MACROD2: variants seen among roughly 807,000 people sequenced by gnomAD.
MACROD2 encodes ADP-ribose glycohydrolase MACROD2.
MACROD2 carries 36 observed loss-of-function variants against 70.4 expected under a neutral mutation model. The observed-to-expected ratio is 0.51, with a 90% confidence interval of 0.39 to 0.68. The LOEUF (loss-of-function observed/expected upper bound fraction) is 0.68, where lower values mean the gene tolerates loss of function less well. Ranked by LOEUF, MACROD2 falls within the 30% of genes least tolerant of loss-of-function variation. The probability of loss-of-function intolerance (pLI) is 0.00; values close to 1 mark genes in which losing one functional copy is unlikely to be tolerated. For synonymous variants in MACROD2, 172 were observed against 178.8 expected, an observed-to-expected ratio of 0.96 and a Z score of 0.30; for missense variants, 496 against 538.4, an observed-to-expected ratio of 0.92 and a Z score of 0.78.
chr20:15,737,249 AAGCT>A (rs1447708794), intron 8 of MACROD2, among the ~76,000 whole-genome samples: 1 of 152,220 alleles, frequency 6.6e-6, no homozygotes, highest in Non-Finnish European at 1.5e-5. Context: ...TCCAAGTGGA[AAGCT>A]CTAAACACTA....
At chr20:14,650,779 T>C (rs144061908) in intron 4 of MACROD2, among the ~76,000 whole-genome samples, 6 of 152,326 alleles carry the variant, frequency 3.9e-5, no homozygotes, top group Admixed American at 3.9e-4. Context: ...CCCTTCGCAC[T>C]ACACACCAAA....
At chr20:15,272,981 A>G (rs2077358809) in intron 6 of MACROD2, among the ~76,000 whole-genome samples, 1 of 152,134 alleles carries the variant, frequency 6.6e-6, no homozygotes, top group Non-Finnish European at 1.5e-5. Flanking sequence ...TGACCATGAC[A>G]TCTCTTAAAG....
intron 7 of MACROD2, among the ~76,000 whole-genome samples, chr20:15,491,112 G>A (rs1268023978): frequency 3.9e-5 from 6 of 152,094 alleles, no homozygotes; most frequent in East Asian, 1.9e-4. Context: ...TAACAGCAGC[G>A]GCACTAGCAG....
intron 4 of MACROD2, among the ~76,000 whole-genome samples, chr20:14,559,751 C>A (rs1266343980): frequency 6.6e-6 from 1 of 151,688 alleles, no homozygotes; most frequent in Non-Finnish European, 1.5e-5. Context: ...ATAGACTCTC[C>A]ATTCTATAAG....
intron 5 of MACROD2, among the ~76,000 whole-genome samples, chr20:15,002,202 A>G (rs917826464): frequency 6.6e-6 from 1 of 152,202 alleles, no homozygotes; most frequent in African/African-American, 2.4e-5. Context: ...TGTTTGCCGT[A>G]GTGGTTGTAA....
chr20:14,647,670 T>C (rs997256093), intron 4 of MACROD2, among the ~76,000 whole-genome samples: 4 of 152,066 alleles, frequency 2.6e-5, no homozygotes, highest in Non-Finnish European at 4.4e-5. Flanking sequence ...CCCCAGCTAC[T>C]AGAATCTCTC....
chr20:14,291,379 G>A (rs544649830), intron 3 of MACROD2, among the ~76,000 whole-genome samples: 15 of 149,284 alleles, frequency 1.0e-4, no homozygotes, highest in African/African-American at 3.3e-4. Context: ...ACATAAATGT[G>A]TGTAAAATTT....
At chr20:15,476,001 A>C (rs772202072) in intron 7 of MACROD2, among the ~76,000 whole-genome samples, 1 of 152,240 alleles carries the variant, frequency 6.6e-6, no homozygotes, top group African/African-American at 2.4e-5. Flanking sequence ...GAAAGGGAGG[A>C]GATGGGGCCA....
intron 5 of MACROD2, among the ~76,000 whole-genome samples, chr20:14,918,467 T>C (rs1010902446): frequency 2.6e-5 from 4 of 152,208 alleles, no homozygotes; most frequent in African/African-American, 9.6e-5. Context: ...TCCTCTCACA[T>C]TGGATAGGAG....
chr20:14,451,792 A>G (rs1382992211), intron 3 of MACROD2, among the ~76,000 whole-genome samples: 1 of 152,170 alleles, frequency 6.6e-6, no homozygotes, highest in African/African-American at 2.4e-5. Context: ...AGGAGCGTCC[A>G]GTGTCTGCTA....
intron 6 of MACROD2, among the ~76,000 whole-genome samples, chr20:15,372,775 G>A (rs963681945): frequency 2.0e-5 from 3 of 152,150 alleles, no homozygotes; most frequent in African/African-American, 7.2e-5. Context: ...TCCCAGGCTG[G>A]ATGCGATAAT....
At chr20:15,502,448 T>G (rs866061916) in intron 8 of MACROD2, among the ~76,000 whole-genome samples, 5 of 152,160 alleles carry the variant, frequency 3.3e-5, no homozygotes, top group Admixed American at 1.3e-4. Flanking sequence ...GGTCTTGTGG[T>G]TCATAGAGAG....
chr20:15,310,476 G>C (rs1240377965), intron 6 of MACROD2, among the ~76,000 whole-genome samples: 3 of 152,110 alleles, frequency 2.0e-5, no homozygotes, highest in Admixed American at 1.3e-4. Flanking sequence ...TCATGGCTAA[G>C]TGTATATCTG....
intron 8 of MACROD2, among the ~76,000 whole-genome samples, chr20:15,843,208 G>A (rs1411518895): frequency 6.6e-6 from 1 of 152,162 alleles, no homozygotes; most frequent in Non-Finnish European, 1.5e-5. Context: ...GTTATTATAT[G>A]CATTTATCAT....
At chr20:15,077,743 A>T (rs1448267101) in intron 5 of MACROD2, among the ~76,000 whole-genome samples, 1 of 152,144 alleles carries the variant, frequency 6.6e-6, no homozygotes, top group Non-Finnish European at 1.5e-5. Flanking sequence ...TTTCAGATAT[A>T]TAGATGCCAT....
chr20:14,260,914 A>G (rs2082096386), intron 3 of MACROD2, among the ~76,000 whole-genome samples: 1 of 152,208 alleles, frequency 6.6e-6, no homozygotes, highest in Admixed American at 6.5e-5. Context: ...TGGTTATGGC[A>G]GACAGATTTG....
intron 8 of MACROD2, among the ~76,000 whole-genome samples, chr20:15,741,103 T>G (rs1273434310): frequency 6.7e-6 from 1 of 149,778 alleles, no homozygotes; most frequent in Non-Finnish European, 1.5e-5. Flanking sequence ...TTTTTTTTTT[T>G]TTTTTTTGAG....
chr20:14,133,524 A>G (rs2054747734), intron 3 of MACROD2, among the ~76,000 whole-genome samples: 1 of 152,224 alleles, frequency 6.6e-6, no homozygotes, highest in Non-Finnish European at 1.5e-5. Flanking sequence ...AAATAAATGT[A>G]TATTAAAATG....
chr20:15,947,161 G>A (rs1169208727), intron 12 of MACROD2, among the ~76,000 whole-genome samples: 7 of 151,998 alleles, frequency 4.6e-5, no homozygotes, highest in African/African-American at 1.7e-4. Context: ...GTTCCCAGGG[G>A]CAGGCAGGAG....
Sources: allele counts gnomAD v4.1 joint callset (sites outside exome capture counted in the v4.1 genomes callset), GRCh38; gene constraint gnomAD v4.1.1; transcripts MANE v1.5; gene names NCBI Gene and HGNC (gene_info 2026-07-23, HGNC 2026-07-21).